CHD2: variants seen among roughly 807,000 people sequenced by gnomAD.
The protein encoded by CHD2 is ATP-dependent chromatin remodeler CHD2.
Under a neutral mutation model 243.9 loss-of-function variants are expected in CHD2, and 28 were observed. That is an observed-to-expected ratio of 0.11 (90% CI 0.09 to 0.16). CHD2 has a LOEUF of 0.16. Ranked by LOEUF, CHD2 falls within the 10% of genes least tolerant of loss-of-function variation. CHD2 has a pLI of 1.00. For synonymous variants in CHD2, 775 were observed against 779.0 expected (o/e 0.99, Z 0.09); for missense variants, 1,386 against 2,209.8 (o/e 0.63, Z 7.47).
intron 16 of CHD2, among the ~76,000 whole-genome samples, chr15:92,958,964 T>G (rs763045632): frequency 7.9e-5 from 12 of 152,250 alleles, no homozygotes; most frequent in Non-Finnish European, 1.3e-4. Context: ...TACGATGGGT[T>G]TCTCAGGACA....
At chr15:92,984,666 A>C (rs1261885355) in intron 25 of CHD2, among the ~76,000 whole-genome samples, 166 bp downstream of exon 25, 1 of 152,244 alleles carries the variant, frequency 6.6e-6, no homozygotes, top group East Asian at 1.9e-4. Flanking sequence ...AGAAATCTGC[A>C]GAGCTCCTGA....
chr15:93,004,414 A>G, intron 33 of CHD2: 1 of 436,672 alleles, frequency 2.3e-6, no homozygotes, highest in Non-Finnish European at 4.0e-6. Flanking sequence ...ACATTTAGAG[A>G]TGGAAATGGG....
At chr15:92,945,755 A>G in intron 10 of CHD2, 66 bp from the exon 11 acceptor site, 3 of 1,060,422 alleles carry the variant, frequency 2.8e-6, no homozygotes, top group East Asian at 5.1e-5. Context: ...TTTTATTCAT[A>G]GAACCCAAAA....
chr15:92,996,368 G>C (rs924131800), intron 28 of CHD2, among the ~76,000 whole-genome samples: 1 of 151,914 alleles, frequency 6.6e-6, no homozygotes, highest in African/African-American at 2.4e-5. Flanking sequence ...CACTGTGTTA[G>C]CCAGTATGGT....
In CHD2 at chr15:93,009,127, T is replaced by C. The variant is rs1306977651; in HGVS notation, c.4414-18T>C. 1.9e-6 allele frequency: 3 copies of C among 1,612,294 alleles called. No individual in the cohort carries two copies. Among genetic ancestry groups the C allele is most frequent in the Admixed American group, 1.7e-5 (1 of 59,802 alleles). On this transcript the variant is annotated intron_variant, in intron 34 of 38. Transcript: ENST00000394196. The stretch of plus-strand genomic sequence containing the variant: ...TTCTGCAGATTGTTTATGTCTTTAC[T>C]CTGTTGTCCTGTTGCAGTGTAAGGA...
At chr15:92,902,286 T>C (rs1015725058) in intron 2 of CHD2, 5 of 397,360 alleles carry the variant, frequency 1.3e-5, no homozygotes, top group Non-Finnish European at 1.8e-5. Flanking sequence ...ATAAAGCCTC[T>C]AAGATGTTTT....
chr15:92,967,562 G>T (rs2053781149), intron 17 of CHD2, 49 bp downstream of exon 17: 4 of 1,329,438 alleles, frequency 3.0e-6, no homozygotes, highest in African/African-American at 3.0e-5. Flanking sequence ...TCAGTACCAT[G>T]AAACTATTAG....
intron 5 of CHD2, among the ~76,000 whole-genome samples, chr15:92,935,768 T>G (rs1034341346): frequency 2.6e-5 from 4 of 152,170 alleles, no homozygotes; most frequent in Admixed American, 6.5e-5. Flanking sequence ...TTTATTGTAC[T>G]ATGCTCCGGG....
At chr15:92,978,522 C>A in intron 21 of CHD2, 139 bp downstream of exon 21, 1 of 856,502 alleles carries the variant, frequency 1.2e-6, no homozygotes, top group Non-Finnish European at 1.8e-6. Flanking sequence ...TGTTTGTTAA[C>A]TAGCACAGAG....
intron 5 of CHD2, among the ~76,000 whole-genome samples, chr15:92,935,287 C>T (rs567341046): frequency 1.1e-4 from 17 of 152,298 alleles, no homozygotes; most frequent in East Asian, 9.6e-4. Context: ...CCGCCCGCCT[C>T]GGCCTCCCAA....
At chr15:92,950,587 T>C (rs2053540533) in intron 13 of CHD2, among the ~76,000 whole-genome samples, 1 of 152,092 alleles carries the variant, frequency 6.6e-6, no homozygotes, top group African/African-American at 2.4e-5. Flanking sequence ...ACCCCATCTT[T>C]ACCAAAAAAT....
At chr15:92,932,868 G>T (rs1487982796) in intron 5 of CHD2, among the ~76,000 whole-genome samples, 4 of 139,842 alleles carry the variant, frequency 2.9e-5, no homozygotes, top group Non-Finnish European at 6.3e-5. Flanking sequence ...TCATCCTCCT[G>T]AGTAGCTGGG....
intron 24 of CHD2, 32 bp downstream of exon 24, chr15:92,981,489 G>T: frequency 2.6e-6 from 4 of 1,516,144 alleles, no homozygotes; most frequent in Non-Finnish European, 3.7e-6. Context: ...AGAGTTCTCA[G>T]CATTGATTCA....
intron 21 of CHD2, among the ~76,000 whole-genome samples, 155 bp from the exon 22 acceptor site, chr15:92,978,980 T>G (rs915755107): frequency 5.9e-5 from 9 of 152,242 alleles, no homozygotes; most frequent in Admixed American, 6.5e-5. Flanking sequence ...CTACTTAAGC[T>G]GCCTGCTTGG....
chr15:92,973,909 TGAGTAGAGTA>T (rs1161002386), intron 19 of CHD2: 1 of 152,206 alleles, frequency 6.6e-6, no homozygotes, highest in Non-Finnish European at 1.5e-5. Flanking sequence ...TTTAAGGCTC[TGAGTAGAGTA>T]GTCAGTGAGA....
At chr15:92,903,708 A>AG (rs1185225747) in intron 2 of CHD2, among the ~76,000 whole-genome samples, 1 of 152,104 alleles carries the variant, frequency 6.6e-6, no homozygotes, top group African/African-American at 2.4e-5. Flanking sequence ...GGATAACTTA[A>AG]GTAACATCAA....
intron 5 of CHD2, among the ~76,000 whole-genome samples, chr15:92,936,303 T>C (rs1211931494): frequency 1.3e-5 from 2 of 152,240 alleles, no homozygotes; most frequent in Non-Finnish European, 2.9e-5. Context: ...TTGTAGCTGT[T>C]GTCTTTAGTA....
chr15:92,972,176 A>G, intron 18 of CHD2, 89 bp from the exon 19 acceptor site: 1 of 1,415,802 alleles, frequency 7.1e-7, no homozygotes, highest in Non-Finnish European at 9.6e-7. Context: ...AAGCTTTAAG[A>G]TGATTTTTAA....
At chr15:92,901,420 A>T in intron 2 of CHD2, 121 bp downstream of exon 2, 1 of 687,706 alleles carries the variant, frequency 1.5e-6, no homozygotes, top group South Asian at 1.8e-5. Context: ...TCTAATTTGG[A>T]TTCGTTTTTT....
Sources: gnomAD v4.1 joint callset for allele counts (sites outside exome capture counted in the v4.1 genomes callset) on GRCh38, gnomAD v4.1.1 for gene constraint, MANE v1.5 for transcripts, NCBI Gene and HGNC (gene_info 2026-07-23, HGNC 2026-07-21) for gene names.